EBF2: variants seen among roughly 807,000 people sequenced by gnomAD.
EBF2 encodes the protein transcription factor COE2.
A neutral mutation model predicts 72.8 loss-of-function variants in EBF2; 21 were observed. The ratio of observed to expected loss-of-function variants is 0.29; its 90% CI spans 0.20 to 0.42. The LOEUF is 0.42. Ranked by LOEUF, EBF2 falls within the 10% of genes least tolerant of loss-of-function variation. The pLI, the probability that EBF2 is intolerant of heterozygous loss-of-function variation, is 1.00. For synonymous variants in EBF2, 299 were observed against 274.2 expected, an observed-to-expected ratio of 1.09 and a Z score of -0.89; for missense variants, 637 against 731.2, an observed-to-expected ratio of 0.87 and a Z score of 1.49.
intron 3 of EBF2, 35 bp downstream of exon 3, chr8:26,040,904 A>G (rs1215572960): frequency 1.9e-6 from 3 of 1,613,362 alleles, no homozygotes; most frequent in Non-Finnish European, 2.5e-6. Context: ...GCCGGCTGCT[A>G]GGCGCCGGCT....
intron 6 of EBF2, among the ~76,000 whole-genome samples, chr8:25,986,232 A>T (rs935050513): frequency 6.6e-6 from 1 of 152,030 alleles, no homozygotes; most frequent in African/African-American, 2.4e-5. Context: ...TGTTCACGCA[A>T]TAGCCCCCAC....
Position 26,034,050 on chromosome 8 carries a change from A to C in EBF2, c.483-897T>G, listed in dbSNP as rs28648444. Among the ~76,000 whole-genome samples the C allele has an allele frequency of 4.8e-3, 724 of 152,334 alleles. 6 individuals carry two copies. Among genetic ancestry groups the C allele is most frequent in the African/African-American group, 0.017 (687 of 41,572 alleles). ...ATGATATTTTAGATATTTGTGGCTC[A>C]GTAAATAATTAAAGAAACGAGAGGA... On this transcript the variant is annotated intron_variant, in intron 5 of 15. Transcript: ENST00000520164.
At chr8:26,036,281 T>C (rs998766776) in intron 5 of EBF2, among the ~76,000 whole-genome samples, 1 of 152,176 alleles carries the variant, frequency 6.6e-6, no homozygotes, top group Non-Finnish European at 1.5e-5. Flanking sequence ...TGTAGTATAA[T>C]GTAGGGAAAG....
intron 6 of EBF2, among the ~76,000 whole-genome samples, chr8:25,972,082 T>A (rs928614405): frequency 6.6e-6 from 1 of 151,948 alleles, no homozygotes; most frequent in African/African-American, 2.4e-5. Context: ...GGACAGAGAG[T>A]GGGGACTACG....
chr8:25,899,451 C>T (rs1053124476), intron 7 of EBF2, among the ~76,000 whole-genome samples: 2 of 152,162 alleles, frequency 1.3e-5, no homozygotes, highest in Non-Finnish European at 2.9e-5. Context: ...AGCTCTCACA[C>T]TGAAAGATGT....
intron 2 of EBF2, 109 bp downstream of exon 2, chr8:26,041,986 C>A (rs745447510): frequency 6.2e-5 from 92 of 1,472,678 alleles, no homozygotes; most frequent in Non-Finnish European, 6.7e-5. Context: ...GATTTATCAT[C>A]CCTGATGGTG....
At chr8:26,021,643 G>A (rs1055829639) in intron 6 of EBF2, among the ~76,000 whole-genome samples, 5 of 152,162 alleles carry the variant, frequency 3.3e-5, no homozygotes, top group Non-Finnish European at 7.3e-5. Context: ...ACAAACTTAT[G>A]CTGAAAAATG....
At chr8:25,864,697 G>T (rs1209452450) in intron 10 of EBF2, among the ~76,000 whole-genome samples, 1 of 151,866 alleles carries the variant, frequency 6.6e-6, no homozygotes. Context: ...ATCTATTCTG[G>T]GTAAAAGTCA....
intron 7 of EBF2, among the ~76,000 whole-genome samples, chr8:25,900,993 G>A (rs1802942397): frequency 1.3e-5 from 2 of 152,016 alleles, no homozygotes; most frequent in South Asian, 4.2e-4. Context: ...CCAACGTAGA[G>A]AAATGATCAA....
chr8:25,995,591 C>A (rs897162541), intron 6 of EBF2, among the ~76,000 whole-genome samples: 1 of 151,992 alleles, frequency 6.6e-6, no homozygotes, highest in Non-Finnish European at 1.5e-5. Flanking sequence ...TATGAAAAAT[C>A]ACTGAAGTGC....
chr8:25,914,034 G>A (rs771885522), intron 6 of EBF2, among the ~76,000 whole-genome samples: 2 of 152,188 alleles, frequency 1.3e-5, no homozygotes, highest in Non-Finnish European at 2.9e-5. Flanking sequence ...GGAATGGGCA[G>A]TTGCCTCTCT....
intron 6 of EBF2, among the ~76,000 whole-genome samples, chr8:25,959,474 G>A (rs1204950342): frequency 6.6e-6 from 1 of 152,156 alleles, no homozygotes; most frequent in Non-Finnish European, 1.5e-5. Context: ...CAAAGTGCTG[G>A]GATTACAGGC....
intron 14 of EBF2, among the ~76,000 whole-genome samples, chr8:25,853,911 G>T (rs1372316183): frequency 6.6e-6 from 1 of 151,904 alleles, no homozygotes; most frequent in African/African-American, 2.4e-5. Flanking sequence ...CAAAACTCTA[G>T]AAGGATGTGA....
chr8:25,976,441 A>T (rs1804269639), intron 6 of EBF2, among the ~76,000 whole-genome samples: 1 of 152,182 alleles, frequency 6.6e-6, no homozygotes, highest in South Asian at 2.1e-4. Context: ...CACTCATAAC[A>T]TTCTGGGCAA....
chr8:26,005,002 T>G (rs1347504508), intron 6 of EBF2, among the ~76,000 whole-genome samples: 1 of 150,726 alleles, frequency 6.6e-6, no homozygotes, highest in Non-Finnish European at 1.5e-5. Flanking sequence ...CTAGTCTTCT[T>G]TTGAGGTAGA....
intron 6 of EBF2, among the ~76,000 whole-genome samples, chr8:25,914,782 TAAAC>T (rs1803183352): frequency 6.6e-6 from 1 of 152,224 alleles, no homozygotes; most frequent in African/African-American, 2.4e-5. Flanking sequence ...TCCATTTAGT[TAAAC>T]AATCCCTCAA....
intron 2 of EBF2, chr8:26,041,271 A>G: frequency 1.9e-6 from 1 of 521,044 alleles, no homozygotes; most frequent in Non-Finnish European, 3.5e-6. Context: ...TGAGCTTCCG[A>G]CAACAGGACC....
chr8:25,869,619 T>A (rs527534967), intron 10 of EBF2, among the ~76,000 whole-genome samples: 3 of 152,176 alleles, frequency 2.0e-5, no homozygotes, highest in Non-Finnish European at 4.4e-5. Context: ...CCATCTTACC[T>A]AGAAACACAT....
chr8:25,842,465 T>C lies in EBF2; in HGVS notation c.*2144A>G, dbSNP rs1214049565. 6.6e-6 allele frequency: 1 copy of C among 152,206 alleles called. No homozygotes were observed. The highest frequency in any genetic ancestry group is 2.4e-5 in the African/African-American group (1 of 41,454). 9.4% of individuals were successfully genotyped at this position (152,206 alleles called of 1,614,324 possible). On this transcript the variant is annotated 3_prime_UTR_variant, in exon 16 of 16. Coordinates refer to ENST00000520164, the MANE Select transcript of EBF2 (RefSeq NM_022659.4). ...CAATGCTACTTAAAAAAAACAAAAT[T>C]TCCTTATGTTGGATTGGCTCAAATC...
Sources: allele counts gnomAD v4.1 joint callset (sites outside exome capture counted in the v4.1 genomes callset), GRCh38; gene constraint gnomAD v4.1.1; transcripts MANE v1.5; gene names NCBI Gene and HGNC (gene_info 2026-07-23, HGNC 2026-07-21).